The following RERE variants were observed in gnomAD, a reference collection of about 807,000 sequenced individuals.
RERE encodes the protein arginine-glutamic acid dipeptide repeats protein.
RERE carries 40 observed loss-of-function variants against 146.1 expected under a neutral mutation model. The observed-to-expected ratio is 0.27, with a 90% CI of 0.21 to 0.36. RERE has a LOEUF of 0.36. RERE is among the 10% of genes least tolerant of loss of function. RERE has a pLI of 1.00. For missense variants in RERE, 1,933 were observed against 2,138.7 expected (o/e 0.90, Z 1.90); for synonymous variants, 1,003 against 866.0 (o/e 1.16, Z -2.78).
intron 1 of RERE, among the ~76,000 whole-genome samples, chr1:8,808,901 G>T (rs748502117): frequency 4.5e-4 from 68 of 152,102 alleles, no homozygotes; most frequent in Non-Finnish European, 7.9e-4. Context: ...ACTTTGGGAG[G>T]CCAAGGCAGG....
intron 12 of RERE, among the ~76,000 whole-genome samples, chr1:8,403,041 G>T (rs1008693247): frequency 6.6e-6 from 1 of 152,112 alleles, no homozygotes; most frequent in African/African-American, 2.4e-5. Context: ...TGGGACTACA[G>T]GCGCGCACCA....
chr1:8,559,730 A>G (rs1481275428), intron 4 of RERE, among the ~76,000 whole-genome samples: 1 of 152,130 alleles, frequency 6.6e-6, no homozygotes, highest in Non-Finnish European at 1.5e-5. Context: ...ACATATCCAG[A>G]CCCCACAGTC....
rs1046443860 is a variant in RERE at position 8,786,106 on chromosome 1, G to A, written c.-145+31054C>T. The A allele has an allele frequency of 2.1e-4, 90 of 438,116 alleles. 1 individual carries two copies. The East Asian group carries it at 3.3e-3, about 16-fold the overall frequency. 27.1% of individuals were successfully genotyped at this position (438,116 alleles called of 1,614,324 possible). On this transcript the variant is annotated intron_variant, in intron 1 of 22. Coordinates refer to ENST00000400908, the MANE Select transcript of RERE (RefSeq NM_001042681.2). ...CAGTCTGCCTGCTTCCACTCTGACT[G>A]GCAGCAGTCTAACTTTCTTTTTTTT...
intron 4 of RERE, among the ~76,000 whole-genome samples, chr1:8,605,757 A>AAAC (rs1646697369): frequency 1.3e-5 from 2 of 149,356 alleles, no homozygotes; most frequent in Non-Finnish European, 3.0e-5. Context: ...AAAAAAAAAA[A>AAAC]AAAAAAAAAA....
At chr1:8,667,287 A>G (rs1638598284) in intron 1 of RERE, among the ~76,000 whole-genome samples, 1 of 152,268 alleles carries the variant, frequency 6.6e-6, no homozygotes, top group Admixed American at 6.5e-5. Flanking sequence ...AAGAAACGAT[A>G]TATAATCTTT....
chr1:8,498,419 G>A (rs1004063050), intron 8 of RERE, among the ~76,000 whole-genome samples: 3 of 150,988 alleles, frequency 2.0e-5, no homozygotes, highest in Admixed American at 6.6e-5. Context: ...GTTGAGGCTG[G>A]GCATGGTGGC....
intron 1 of RERE, among the ~76,000 whole-genome samples, chr1:8,673,986 T>C (rs1638779935): frequency 6.6e-6 from 1 of 152,144 alleles, no homozygotes; most frequent in African/African-American, 2.4e-5. Flanking sequence ...TGAGCCATAA[T>C]TGCACCACTG....
intron 7 of RERE, among the ~76,000 whole-genome samples, chr1:8,514,770 CAAGAA>C (rs1459631196): frequency 6.6e-6 from 1 of 151,666 alleles, no homozygotes; most frequent in East Asian, 1.9e-4. Flanking sequence ...AAAGACAAGA[CAAGAA>C]AAGAAAAGAG....
intron 12 of RERE, among the ~76,000 whole-genome samples, chr1:8,374,657 A>G (rs1198574045): frequency 6.6e-6 from 1 of 152,176 alleles, no homozygotes; most frequent in Non-Finnish European, 1.5e-5. Context: ...CTTCTTCTCC[A>G]AACGGTCAAA....
intron 12 of RERE, among the ~76,000 whole-genome samples, chr1:8,404,127 C>CTT (rs200010060): frequency 6.6e-6 from 1 of 151,774 alleles, no homozygotes; most frequent in African/African-American, 2.4e-5. Flanking sequence ...CTGCACCCAG[C>CTT]TTTTTTTTAA....
intron 11 of RERE, among the ~76,000 whole-genome samples, chr1:8,435,646 T>C (rs1644160103): frequency 6.6e-6 from 1 of 152,194 alleles, no homozygotes; most frequent in Non-Finnish European, 1.5e-5. Context: ...CCAAAAACCC[T>C]TCCCAGGAGG....
At chr1:8,654,470 G>T (rs1231010650) in intron 2 of RERE, among the ~76,000 whole-genome samples, 2 of 152,136 alleles carry the variant, frequency 1.3e-5, no homozygotes, top group East Asian at 3.8e-4. Flanking sequence ...ACACAGTGAA[G>T]TATTTTAATC....
chr1:8,598,830 C>T (rs1036398201), intron 4 of RERE, among the ~76,000 whole-genome samples: 3 of 152,180 alleles, frequency 2.0e-5, no homozygotes, highest in Non-Finnish European at 4.4e-5. Flanking sequence ...ACAGCTTTGC[C>T]CATACTCTTC....
intron 1 of RERE, among the ~76,000 whole-genome samples, chr1:8,733,711 A>C (rs1398025545): frequency 6.6e-6 from 1 of 152,242 alleles, no homozygotes; most frequent in Non-Finnish European, 1.5e-5. Flanking sequence ...AGCCACTCCT[A>C]AATTCCTGAC....
At chr1:8,439,207 C>T (rs1381988746) in intron 11 of RERE, among the ~76,000 whole-genome samples, 2 of 152,230 alleles carry the variant, frequency 1.3e-5, no homozygotes, top group East Asian at 1.9e-4. Context: ...CCCACCTCTG[C>T]TCTCTGCTAA....
intron 11 of RERE, among the ~76,000 whole-genome samples, chr1:8,438,072 C>G (rs1459089295): frequency 6.6e-6 from 1 of 152,162 alleles, no homozygotes; most frequent in Non-Finnish European, 1.5e-5. Context: ...CGTGGAGCTT[C>G]CGGGCTCAAA....
chr1:8,467,483 T>C lies in RERE; in HGVS notation c.1105-1460A>G, dbSNP rs112344279. ...TCCGGAGGACATGCAGATGCCTTCCTGGCAACTGCTGGAGCCCCTGGGCTG... is the reference window on the plus strand; with the variant it reads ...TCCGGAGGACATGCAGATGCCTTCCCGGCAACTGCTGGAGCCCCTGGGCTG... On this transcript the variant is annotated intron_variant, in intron 10 of 22. Coordinates refer to ENST00000400908, the MANE Select transcript of RERE (RefSeq NM_001042681.2). Among the ~76,000 whole-genome samples, 1,149 of 152,324 alleles carry C rather than the reference T, an allele frequency of 7.5e-3. 14 individuals are homozygous for C. The highest frequency in any genetic ancestry group is 0.026 in the African/African-American group (1,088 of 41,576).
chr1:8,356,270 A>G lies in RERE; in HGVS notation c.4340-24T>C. Reference sequence around the variant, plus strand: ...ACCTAAGGAAAGGACAAAACGCCAGATGGAGGCGGTGTGCAGCTCTTCAAT... The same window carrying G: ...ACCTAAGGAAAGGACAAAACGCCAGGTGGAGGCGGTGTGCAGCTCTTCAAT... On this transcript the variant is annotated intron_variant, in intron 20 of 22. Coordinates refer to ENST00000400908, the MANE Select transcript of RERE (RefSeq NM_001042681.2). The surrounding 1 kb of genome is among the most constrained non-coding windows in gnomAD (Gnocchi z 5.2). 6.6e-7 allele frequency: 1 copy of G among 1,508,768 alleles called. No homozygotes were observed. Among genetic ancestry groups the G allele is most frequent in the South Asian group, 1.3e-5 (1 of 75,116 alleles). 93.5% of individuals were successfully genotyped at this position (1,508,768 alleles called of 1,614,324 possible).
At chr1:8,554,666 G>A (rs907011093) in intron 6 of RERE, among the ~76,000 whole-genome samples, 7 of 121,356 alleles carry the variant, frequency 5.8e-5, no homozygotes, top group East Asian at 2.5e-4. Context: ...ACAACAGAGC[G>A]AGATCCTGTC....
Sources: gnomAD v4.1 joint callset for allele counts (sites outside exome capture counted in the v4.1 genomes callset) on GRCh38, gnomAD v4.1.1 for gene constraint, Gnocchi (gnomAD v3.1) non-coding constraint, MANE v1.5 for transcripts, NCBI Gene and HGNC (gene_info 2026-07-23, HGNC 2026-07-21) for gene names.